HDAC9: variants seen among roughly 807,000 people sequenced by gnomAD.
The protein encoded by HDAC9 is histone deacetylase 9.
A neutral mutation model predicts 139.4 loss-of-function variants in HDAC9; 41 were observed. The observed-to-expected ratio is 0.29, with a 90% CI of 0.23 to 0.38. HDAC9 has a LOEUF of 0.38. Ranked by LOEUF, HDAC9 falls within the 10% of genes least tolerant of loss-of-function variation. The probability of loss-of-function intolerance (pLI) is 1.00; values close to 1 mark genes in which losing one functional copy is unlikely to be tolerated. For synonymous variants in HDAC9, 517 were observed against 476.2 expected, an observed-to-expected ratio of 1.09 and a Z score of -1.12; for missense variants, 1,147 against 1,297.0, an observed-to-expected ratio of 0.88 and a Z score of 1.78.
At chr7:18,540,724 CAG>C (rs1301299094) in intron 2 of HDAC9, among the ~76,000 whole-genome samples, 1 of 152,120 alleles carries the variant, frequency 6.6e-6, no homozygotes, top group African/African-American at 2.4e-5. Flanking sequence ...AGAGAACTTG[CAG>C]AGTTTTCTTG....
Position 18,183,231 on chromosome 7 carries a change from G to C in HDAC9, c.25+20882G>C, listed in dbSNP as rs542227902. Among the ~76,000 whole-genome samples the C allele has an allele frequency of 2.0e-5, 3 of 152,086 alleles. No individual in the cohort carries two copies. In the South Asian group the frequency reaches 6.2e-4, roughly 31 times the overall value. On this transcript the variant is annotated intron_variant, in intron 2 of 12. Coordinates refer to the HDAC9 transcript ENST00000417496. ...TCACCGTGTTAGCCAGGATGGTCTT[G>C]ATCTTCTGACCTCGTGATCCGCCCG... is the stretch of plus-strand genomic sequence containing the variant.
intron 21 of HDAC9, among the ~76,000 whole-genome samples, chr7:18,856,875 A>G (rs921816751): frequency 6.6e-6 from 1 of 152,170 alleles, no homozygotes; most frequent in Admixed American, 6.5e-5. Flanking sequence ...CTTTCCCTGA[A>G]GCATAGGTAG....
At chr7:18,380,396 T>C (rs1185914764) in intron 1 of HDAC9, among the ~76,000 whole-genome samples, 5 of 152,178 alleles carry the variant, frequency 3.3e-5, no homozygotes, top group African/African-American at 1.2e-4. Context: ...GAGTGTCAAA[T>C]TAAATTGTAT....
intron 23 of HDAC9, among the ~76,000 whole-genome samples, chr7:18,937,239 C>T (rs143971131): frequency 0.022 from 3,378 of 151,896 alleles, 52 homozygotes; most frequent in South Asian, 0.048. Flanking sequence ...GGGGTTTCAC[C>T]ATGTTGGCTA....
chr7:18,610,376 A>G (rs1417065851), intron 6 of HDAC9, among the ~76,000 whole-genome samples: 1 of 152,158 alleles, frequency 6.6e-6, no homozygotes, highest in Admixed American at 6.6e-5. Context: ...TTTTATGTGC[A>G]GTAATGCTCT....
chr7:18,552,924 T>C (rs987527755), intron 2 of HDAC9, among the ~76,000 whole-genome samples: 2 of 152,258 alleles, frequency 1.3e-5, no homozygotes, highest in East Asian at 1.9e-4. Context: ...ACTGCTAATA[T>C]GCACAAGCTT....
intron 24 of HDAC9, among the ~76,000 whole-genome samples, chr7:18,970,055 C>A (rs893495263): frequency 2.0e-5 from 3 of 152,112 alleles, no homozygotes; most frequent in Non-Finnish European, 4.4e-5. Flanking sequence ...AAAAATATTG[C>A]AGTATCTTGA....
In HDAC9 at chr7:18,357,032, T is replaced by C. The variant is rs531699047; in HGVS notation, c.-42+66517T>C. Among the ~76,000 whole-genome samples, 4 of 152,300 alleles carry C rather than the reference T, an allele frequency of 2.6e-5. No individual in the cohort carries two copies. The East Asian group carries it at 7.7e-4, about 29-fold the overall frequency. On this transcript the variant is annotated intron_variant, in intron 1 of 3. Transcript: ENST00000413509. Reference sequence around the variant, plus strand: ...AAGTCATTTTAAGAAATGCCTTACCTCTTCTCATCCCCACGATTAATGGCA... The same window carrying C: ...AAGTCATTTTAAGAAATGCCTTACCCCTTCTCATCCCCACGATTAATGGCA...
At chr7:18,420,768 G>T (rs771227125) in intron 1 of HDAC9, among the ~76,000 whole-genome samples, 4 of 152,112 alleles carry the variant, frequency 2.6e-5, no homozygotes, top group Non-Finnish European at 4.4e-5. Context: ...AACCAAACAA[G>T]AAAATATCAG....
intron 25 of HDAC9, among the ~76,000 whole-genome samples, chr7:18,980,679 G>C (rs4721734): frequency 7.6e-6 from 1 of 132,370 alleles, no homozygotes; most frequent in African/African-American, 2.9e-5. Flanking sequence ...TCTTGTTCTT[G>C]TTCTTCTTGT....
chr7:18,914,106 A>G (rs913695465), intron 22 of HDAC9, among the ~76,000 whole-genome samples: 5 of 151,952 alleles, frequency 3.3e-5, no homozygotes, highest in East Asian at 3.9e-4. Context: ...TTAAGAGGCC[A>G]TCGAGAGCTG....
intron 23 of HDAC9, among the ~76,000 whole-genome samples, chr7:18,946,187 A>G (rs1250335061): frequency 6.6e-6 from 1 of 151,972 alleles, no homozygotes; most frequent in Non-Finnish European, 1.5e-5. Flanking sequence ...GACTGTCTTA[A>G]CTACTGTAGT....
intron 1 of HDAC9, among the ~76,000 whole-genome samples, chr7:18,309,194 G>A (rs1046310907): frequency 6.6e-6 from 1 of 152,240 alleles, no homozygotes; most frequent in Admixed American, 6.5e-5. Context: ...GAAATGTTCA[G>A]CCCAAGGTAC....
chr7:18,829,594 AG>A, intron 19 of HDAC9, 46 bp downstream of exon 19: 1 of 1,194,918 alleles, frequency 8.4e-7, no homozygotes, highest in Non-Finnish European at 1.2e-6. Context: ...TTCTAGATAA[AG>A]GGGAGTGGAT....
chr7:18,735,227 C>A (rs958115323), intron 13 of HDAC9, among the ~76,000 whole-genome samples: 1 of 152,192 alleles, frequency 6.6e-6, no homozygotes, highest in Admixed American at 6.6e-5. Flanking sequence ...CAGGCAGAAG[C>A]TTTTTAGCTT....
chr7:18,162,552 G>A (rs1220702654), intron 2 of HDAC9: 15 of 582,236 alleles, frequency 2.6e-5, no homozygotes, highest in Non-Finnish European at 4.6e-5. Flanking sequence ...CAACTGATTT[G>A]ATTTGCATTG....
At chr7:18,494,089 G>T (rs562231859), upstream of HDAC9, among the ~76,000 whole-genome samples, 10 of 152,122 alleles carry the variant, frequency 6.6e-5, no homozygotes, top group African/African-American at 2.4e-4. Flanking sequence ...AATATCAGAT[G>T]GAATCAGATA....
chr7:18,664,101 G>T, intron 11 of HDAC9, among the ~76,000 whole-genome samples: 1 of 152,074 alleles, frequency 6.6e-6, no homozygotes, highest in East Asian at 1.9e-4. Flanking sequence ...CTATAATATG[G>T]TCTCTTTTCT....
intron 2 of HDAC9, among the ~76,000 whole-genome samples, chr7:18,498,861 G>A (rs1047721209): frequency 9.9e-5 from 15 of 152,010 alleles, no homozygotes; most frequent in Admixed American, 9.8e-4. Context: ...TGTTTTTAGT[G>A]AATGAACCTA....
Sources: allele counts gnomAD v4.1 joint callset (sites outside exome capture counted in the v4.1 genomes callset), GRCh38; gene constraint gnomAD v4.1.1; transcripts MANE v1.5; gene names NCBI Gene and HGNC (gene_info 2026-07-23, HGNC 2026-07-21).